The following COL6A6 variants were observed in gnomAD, a reference collection of about 807,000 sequenced individuals.
The protein encoded by COL6A6 is collagen type VI alpha 6 chain.
COL6A6 carries 183 observed loss-of-function variants against 208.6 expected under a neutral mutation model. The ratio of observed to expected loss-of-function variants is 0.88; its 90% CI spans 0.78 to 0.99. The LOEUF (loss-of-function observed/expected upper bound fraction) is 0.99. Among genes scored for constraint, COL6A6 ranks in the 50% least tolerant of loss-of-function variants. COL6A6 has a pLI of 0.00. For synonymous variants in COL6A6, 973 were observed against 1,011.8 expected (o/e 0.96, Z 0.73); for missense variants, 2,816 against 2,815.2 (o/e 1.00, Z -0.01).
At chr3:130,611,100 A>C (rs1243873902) in intron 23 of COL6A6, among the ~76,000 whole-genome samples, 3 of 152,090 alleles carry the variant, frequency 2.0e-5, no homozygotes, top group Non-Finnish European at 4.4e-5. Flanking sequence ...ACCACCTAGA[A>C]CCTTCCCCAG....
intron 35 of COL6A6, 37 bp downstream of exon 35, chr3:130,662,345 A>T (rs1010229622): frequency 7.6e-6 from 12 of 1,569,214 alleles, no homozygotes; most frequent in Non-Finnish European, 1.0e-5. Flanking sequence ...GCACTTTAAG[A>T]ATATACTTGG....
At position 130,616,296 on chromosome 3, in the gene COL6A6, G is replaced by T. The variant is rs186973385; in HGVS notation, c.4816-5525G>T. Among the ~76,000 whole-genome samples the T allele has an allele frequency of 1.9e-3, 287 of 152,270 alleles. 1 individual carries two copies. The highest frequency in any genetic ancestry group is 6.7e-3 in the African/African-American group (280 of 41,568). On this transcript the variant is annotated intron_variant, in intron 23 of 36. Transcript: ENST00000358511. ...GTGCTTTGTAATTTCAGGATTTGAA[G>T]TTTTTCTTAGGATATACGTTTAAGA...
intron 23 of COL6A6, among the ~76,000 whole-genome samples, 185 bp from the exon 24 acceptor site, chr3:130,621,635 CT>C (rs2064718848): frequency 6.6e-6 from 1 of 152,156 alleles, no homozygotes; most frequent in East Asian, 1.9e-4. Flanking sequence ...GCATGAATTA[CT>C]TTATTAATTT....
chr3:130,672,865 T>A (rs1385697152), intron 36 of COL6A6, among the ~76,000 whole-genome samples: 5 of 151,070 alleles, frequency 3.3e-5, no homozygotes, highest in African/African-American at 1.2e-4. Flanking sequence ...AAAAATTAGC[T>A]GGGCGTGGTG....
At chr3:130,583,552 T>A (rs567638582) in intron 10 of COL6A6, among the ~76,000 whole-genome samples, 1 of 152,352 alleles carries the variant, frequency 6.6e-6, no homozygotes, top group Admixed American at 6.5e-5. Context: ...TAAATGGGTA[T>A]CAACTTCAGA....
At chr3:130,629,036 A>T (rs1442138926) in intron 26 of COL6A6, among the ~76,000 whole-genome samples, 105 of 63,822 alleles carry the variant, frequency 1.6e-3, no homozygotes, top group African/African-American at 0.014. Flanking sequence ...AACAGAACAA[A>T]GCTGGATGGA....
At chr3:130,518,167 C>G (rs966463234) in intron 1 of COL6A6, among the ~76,000 whole-genome samples, 1 of 152,010 alleles carries the variant, frequency 6.6e-6, no homozygotes, top group African/African-American at 2.4e-5. Flanking sequence ...TTAAAGAGGA[C>G]CTTTTGCCAG....
At chr3:130,644,249 C>A (rs778896783) in intron 31 of COL6A6, among the ~76,000 whole-genome samples, 2 of 152,164 alleles carry the variant, frequency 1.3e-5, no homozygotes, top group Non-Finnish European at 2.9e-5. Context: ...CAAGGGGGGA[C>A]CCCTGCAAGA....
intron 23 of COL6A6, among the ~76,000 whole-genome samples, chr3:130,614,499 G>T (rs964137301): frequency 2.0e-5 from 3 of 152,122 alleles, no homozygotes; most frequent in Non-Finnish European, 2.9e-5. Flanking sequence ...GCCAGGTTTT[G>T]GTATCAGGAT....
intron 23 of COL6A6, among the ~76,000 whole-genome samples, chr3:130,618,769 T>A (rs1031718575): frequency 6.6e-6 from 1 of 152,228 alleles, no homozygotes; most frequent in Non-Finnish European, 1.5e-5. Context: ...CCTGTATGTA[T>A]CCAACCATCT....
chr3:130,611,894 A>T (rs2108220270), intron 23 of COL6A6, among the ~76,000 whole-genome samples: 1 of 152,254 alleles, frequency 6.6e-6, no homozygotes, highest in East Asian at 1.9e-4. Context: ...CCAGATAATA[A>T]GCATAGTACT....
chr3:130,637,956 C>T (rs1374697938), intron 28 of COL6A6, among the ~76,000 whole-genome samples: 2 of 152,000 alleles, frequency 1.3e-5, no homozygotes, highest in Non-Finnish European at 2.9e-5. Flanking sequence ...TTATCCACAT[C>T]CTTGGCACCT....
chr3:130,576,610 A>C (rs545681400), intron 8 of COL6A6, among the ~76,000 whole-genome samples: 1 of 152,308 alleles, frequency 6.6e-6, no homozygotes, highest in African/African-American at 2.4e-5. Context: ...AAAGTAAAAA[A>C]CAGAAGTATG....
chr3:130,638,751 G>T (rs1404640347), intron 28 of COL6A6, among the ~76,000 whole-genome samples: 2 of 152,156 alleles, frequency 1.3e-5, no homozygotes, highest in African/African-American at 4.8e-5. Flanking sequence ...AATTTTGAAG[G>T]CTGTCATTCC....
In COL6A6 at chr3:130,621,809, G is replaced by A; in HGVS notation, c.4816-12G>A. 1 of 1,612,992 alleles carries A rather than the reference G, an allele frequency of 6.2e-7. No homozygotes were observed. The highest frequency in any genetic ancestry group is 8.5e-7 in the Non-Finnish European group (1 of 1,179,336). On this transcript the variant is annotated splice_polypyrimidine_tract_variant and intron_variant, in intron 23 of 36. Transcript: ENST00000358511. ...GTTTTGCTATATTTGCAAACCCCTT[G>A]TTTTGTTTCAGGGGCCTCCAGGACC...
At chr3:130,519,069 C>T (rs1351516046) in intron 1 of COL6A6, among the ~76,000 whole-genome samples, 3 of 152,044 alleles carry the variant, frequency 2.0e-5, no homozygotes, top group South Asian at 4.2e-4. Context: ...TTCATTTTTT[C>T]CATTCCCTTC....
rs766344785 is a variant in COL6A6, at chr3:130,649,245, A to T, written c.5416A>T (p.Asn1806Tyr). ...VGAHIAILSY[N>Y]SHARHLVRFS... ...AGCGCACATCGCCATCCTCTCCTATAACTCCCACGCCAGGCACCTTGTGCG... is the reference window on the plus strand; with the variant it reads ...AGCGCACATCGCCATCCTCTCCTATTACTCCCACGCCAGGCACCTTGTGCG... Residue 1806 changes from asparagine to tyrosine, a missense_variant, in exon 33 of 37, where the codon AAC (asparagine) becomes TAC (tyrosine). Asn to Tyr is a moderately radical substitution (Grantham distance 143). Transcript: ENST00000358511. 2.3e-4 allele frequency: 363 copies of T among 1,594,830 alleles called. No individual in the cohort carries two copies. Among genetic ancestry groups the T allele is most frequent in the Non-Finnish European group, 2.9e-4 (342 of 1,170,910 alleles).
intron 13 of COL6A6, 109 bp from the exon 14 acceptor site, chr3:130,592,432 G>T: frequency 1.3e-6 from 1 of 775,958 alleles, no homozygotes; most frequent in South Asian, 1.8e-5. Flanking sequence ...TCTGGATTGT[G>T]AACCATGAGC....
upstream of COL6A6, among the ~76,000 whole-genome samples, chr3:130,517,079 C>T (rs760742828): frequency 1.3e-5 from 2 of 152,200 alleles, no homozygotes; most frequent in African/African-American, 2.4e-5. Flanking sequence ...CGCCCCCCTC[C>T]TGGGGGACGT....
Sources: gnomAD v4.1 joint callset for allele counts (sites outside exome capture counted in the v4.1 genomes callset) on GRCh38, gnomAD v4.1.1 for gene constraint, MANE v1.5 for transcripts, NCBI Gene and HGNC (gene_info 2026-07-23, HGNC 2026-07-21) for gene names.